Variants in LPP observed in about 807,000 individuals in gnomAD.
LPP encodes lipoma-preferred partner.
LPP carries 38 observed loss-of-function variants against 60.4 expected under a neutral mutation model. That is an observed-to-expected ratio of 0.63 (90% CI 0.49 to 0.83). LPP has a LOEUF of 0.83. LPP is among the 40% of genes least tolerant of loss of function. The probability of loss-of-function intolerance (pLI) is 0.00; values close to 1 mark genes in which losing one functional copy is unlikely to be tolerated. For synonymous variants in LPP, 328 were observed against 290.8 expected, an observed-to-expected ratio of 1.13 and a Z score of -1.30; for missense variants, 902 against 783.6, an observed-to-expected ratio of 1.15 and a Z score of -1.80.
chr3:188,616,584 T>C, intron 7 of LPP, among the ~76,000 whole-genome samples: 1 of 14,548 alleles, frequency 6.9e-5, no homozygotes, highest in East Asian at 0.012. Flanking sequence ...TTTTCATTTC[T>C]ATGGGTTTTT....
At chr3:188,546,913 G>C (rs1826795970) in intron 6 of LPP, among the ~76,000 whole-genome samples, 1 of 152,192 alleles carries the variant, frequency 6.6e-6, no homozygotes, top group African/African-American at 2.4e-5. Flanking sequence ...GGACACTGCA[G>C]ATTACAATCA....
chr3:188,648,315 C>T (rs897110959), intron 7 of LPP, among the ~76,000 whole-genome samples: 9 of 152,142 alleles, frequency 5.9e-5, no homozygotes, highest in Non-Finnish European at 8.8e-5. Context: ...ATGCCTTACT[C>T]CCACTCCATA....
intron 7 of LPP, among the ~76,000 whole-genome samples, chr3:188,627,828 C>T (rs1847131394): frequency 6.6e-6 from 1 of 152,096 alleles, no homozygotes; most frequent in Non-Finnish European, 1.5e-5. Flanking sequence ...CTCATCTGCA[C>T]ATGACACATA....
chr3:188,827,842 C>T (rs1459824603), intron 9 of LPP, among the ~76,000 whole-genome samples: 1 of 152,140 alleles, frequency 6.6e-6, no homozygotes, highest in Non-Finnish European at 1.5e-5. Context: ...CACAAGCAAC[C>T]CCTGCTCCTC....
chr3:188,409,892 C>T (rs1784495643), intron 4 of LPP, among the ~76,000 whole-genome samples: 2 of 152,098 alleles, frequency 1.3e-5, no homozygotes, highest in Non-Finnish European at 2.9e-5. Flanking sequence ...CAGAGAAGCA[C>T]AGCCTGCTCT....
intron 4 of LPP, among the ~76,000 whole-genome samples, chr3:188,406,947 T>C (rs151042500): frequency 1.3e-5 from 2 of 152,298 alleles, no homozygotes; most frequent in South Asian, 4.1e-4. Flanking sequence ...AGCTCTCATG[T>C]GTATGTATAC....
chr3:188,753,434 A>G (rs909702782), intron 8 of LPP, among the ~76,000 whole-genome samples: 4 of 152,098 alleles, frequency 2.6e-5, no homozygotes, highest in Non-Finnish European at 5.9e-5. Context: ...AATGAATCAC[A>G]TCGTGGTTAG....
intron 9 of LPP, among the ~76,000 whole-genome samples, chr3:188,803,408 C>T (rs1747935091): frequency 6.6e-6 from 1 of 152,032 alleles, no homozygotes; most frequent in African/African-American, 2.4e-5. Flanking sequence ...TAAATATGGC[C>T]ATAGTTTATC....
intron 7 of LPP, among the ~76,000 whole-genome samples, chr3:188,664,773 A>G (rs1855406789): frequency 6.6e-6 from 1 of 152,230 alleles, no homozygotes; most frequent in Admixed American, 6.5e-5. Context: ...TGGATCAAAT[A>G]GTGATTTTTC....
At chr3:188,509,624 CCCTTCCTTCCTTCCTTCCTTCCTT>C (rs1166656652) in intron 5 of LPP, among the ~76,000 whole-genome samples, 5 of 116,872 alleles carry the variant, frequency 4.3e-5, no homozygotes, top group African/African-American at 1.7e-4. Flanking sequence ...TTTTTTTGTC[CCCTTCCTTCCTTCCTTCCTTCCTT>C]CCTTCCTTCC....
chr3:188,742,277 A>G (rs1406443701), intron 8 of LPP, among the ~76,000 whole-genome samples: 3 of 152,084 alleles, frequency 2.0e-5, no homozygotes, highest in Non-Finnish European at 4.4e-5. Flanking sequence ...TGACCCAGCA[A>G]TTCTCCTCCT....
chr3:188,357,047 C>T (rs986614106), intron 3 of LPP, among the ~76,000 whole-genome samples: 1 of 152,182 alleles, frequency 6.6e-6, no homozygotes, highest in Non-Finnish European at 1.5e-5. Flanking sequence ...GCAACTACCA[C>T]CACCACCATG....
chr3:188,773,390 C>G (rs1736723557), intron 9 of LPP, among the ~76,000 whole-genome samples: 1 of 151,760 alleles, frequency 6.6e-6, no homozygotes, highest in Non-Finnish European at 1.5e-5. Context: ...TTTTTTAATT[C>G]AGTCTCCTAC....
intron 2 of LPP, among the ~76,000 whole-genome samples, chr3:188,257,126 C>T (rs906020950): frequency 6.6e-6 from 1 of 152,120 alleles, no homozygotes; most frequent in Non-Finnish European, 1.5e-5. Flanking sequence ...GCTCCAGATC[C>T]CATAGACCTG....
rs537508589 is a variant in LPP, at chr3:188,456,033, T to C, written c.194-28559T>C. Among the ~76,000 whole-genome samples the C allele has an allele frequency of 6.2e-4, 95 of 152,316 alleles. 2 individuals carry two copies. Among genetic ancestry groups the C allele is most frequent in the African/African-American group, 2.1e-3 (88 of 41,574 alleles). On this transcript the variant is annotated intron_variant, in intron 4 of 11. Transcript: ENST00000617246. The stretch of plus-strand genomic sequence containing the variant: ...ACAGCTTCTCGAGTAGCTGGGACTA[T>C]TGGTGTGCCCCACCACACCTGGCTA...
At chr3:188,240,600 A>T (rs73190778) in intron 2 of LPP, among the ~76,000 whole-genome samples, 5 of 152,258 alleles carry the variant, frequency 3.3e-5, no homozygotes, top group East Asian at 3.9e-4. Flanking sequence ...TAGTTAGGAT[A>T]TTAGACCAGC....
chr3:188,778,169 A>G (rs1373434221), intron 9 of LPP, among the ~76,000 whole-genome samples: 1 of 152,222 alleles, frequency 6.6e-6, no homozygotes, highest in African/African-American at 2.4e-5. Context: ...GGTACAATTC[A>G]GTAGCAAAGA....
intron 2 of LPP, among the ~76,000 whole-genome samples, chr3:188,262,833 A>T (rs1734151534): frequency 2.1e-5 from 3 of 143,020 alleles, no homozygotes; most frequent in African/African-American, 7.7e-5. Context: ...AAATCATGTT[A>T]AAAAAAAAAA....
At chr3:188,262,832 T>TA (rs34442973) in intron 2 of LPP, among the ~76,000 whole-genome samples, 204 of 144,920 alleles carry the variant, frequency 1.4e-3, no homozygotes, top group South Asian at 1.8e-3. Context: ...GAAATCATGT[T>TA]AAAAAAAAAA....
Sources: gnomAD v4.1 joint callset for allele counts (sites outside exome capture counted in the v4.1 genomes callset) on GRCh38, gnomAD v4.1.1 for gene constraint, MANE v1.5 for transcripts, NCBI Gene and HGNC (gene_info 2026-07-23, HGNC 2026-07-21) for gene names.